The following LTBP1 variants were observed in gnomAD, a reference collection of about 807,000 sequenced individuals.
LTBP1 encodes latent-transforming growth factor beta-binding protein 1.
In LTBP1, 129 loss-of-function variants were observed where a neutral mutation model predicts 207.6. The observed-to-expected ratio is 0.62, with a 90% CI of 0.54 to 0.72. The LOEUF (loss-of-function observed/expected upper bound fraction) is 0.72. Among genes scored for constraint, LTBP1 ranks in the 30% least tolerant of loss-of-function variants. The pLI, the probability that LTBP1 is intolerant of heterozygous loss-of-function variation, is 0.00. For missense variants in LTBP1, 2,281 were observed against 2,217.2 expected, an observed-to-expected ratio of 1.03 and a Z score of -0.58; for synonymous variants, 963 against 833.7, an observed-to-expected ratio of 1.16 and a Z score of -2.67.
rs5830252 is a variant in LTBP1 at position 33,180,454 on chromosome 2, G to GT, written c.1202-6385dup. On this transcript the variant is annotated intron_variant, in intron 5 of 33. Coordinates refer to ENST00000404816, the MANE Select transcript of LTBP1 (RefSeq NM_206943.4). ...GTTTGGTTTTGTGTAGCGTGGCATA[G>GT]TTTTTTTTTTTTTTTTTGACAGGGT... Among the ~76,000 whole-genome samples, 1,103 of 131,964 alleles carry GT rather than the reference G, an allele frequency of 8.4e-3. 8 individuals are homozygous for GT. The highest frequency in any genetic ancestry group is 0.012 in the Non-Finnish European group (760 of 61,356). The allele number at this position is 131,964 out of a possible 152,430, so 86.6% of individuals were successfully genotyped here.
chr2:33,334,834 CGAGGTGG>C (rs2094536651), intron 24 of LTBP1, among the ~76,000 whole-genome samples: 1 of 150,756 alleles, frequency 6.6e-6, no homozygotes, highest in Non-Finnish European at 1.5e-5. Flanking sequence ...ACTGGTTGGC[CGAGGTGG>C]GAGGATCACT....
At chr2:33,117,036 C>G (rs2080788512) in intron 4 of LTBP1, among the ~76,000 whole-genome samples, 1 of 152,184 alleles carries the variant, frequency 6.6e-6, no homozygotes, top group South Asian at 2.1e-4. Flanking sequence ...GCTTGACTCC[C>G]AGCCATCAAT....
chr2:33,143,549 A>G (rs942889228), intron 5 of LTBP1, among the ~76,000 whole-genome samples: 8 of 152,182 alleles, frequency 5.3e-5, no homozygotes, highest in Admixed American at 2.0e-4. Flanking sequence ...TGACCACAAG[A>G]TGCATGAAAA....
chr2:33,334,762 G>C (rs1013487184), intron 24 of LTBP1, among the ~76,000 whole-genome samples: 1 of 151,924 alleles, frequency 6.6e-6, no homozygotes, highest in African/African-American at 2.4e-5. Context: ...GGCTTGTCTG[G>C]GTAATTTTTA....
At chr2:33,143,571 G>T (rs2082796201) in intron 5 of LTBP1, among the ~76,000 whole-genome samples, 1 of 152,180 alleles carries the variant, frequency 6.6e-6, no homozygotes, top group Non-Finnish European at 1.5e-5. Context: ...GGACACCCTG[G>T]TAGCAATTTA....
At chr2:33,133,853 A>G (rs1279761283) in intron 4 of LTBP1, among the ~76,000 whole-genome samples, 2 of 152,208 alleles carry the variant, frequency 1.3e-5, no homozygotes, top group Non-Finnish European at 2.9e-5. Context: ...CTGGACTGAA[A>G]TGGCATGTCC....
At chr2:33,238,462 C>A (rs1052403696) in intron 9 of LTBP1, among the ~76,000 whole-genome samples, 5 of 152,190 alleles carry the variant, frequency 3.3e-5, no homozygotes, top group African/African-American at 1.2e-4. Context: ...GTCATACTTT[C>A]TTTATTCCCT....
intron 7 of LTBP1, among the ~76,000 whole-genome samples, chr2:33,205,964 G>T (rs77073450): frequency 6.6e-6 from 1 of 152,146 alleles, no homozygotes; most frequent in East Asian, 1.9e-4. Flanking sequence ...AATCCACCAT[G>T]TTGGTACCAT....
intron 5 of LTBP1, among the ~76,000 whole-genome samples, chr2:33,173,807 A>G (rs927069866): frequency 1.4e-5 from 2 of 144,292 alleles, no homozygotes; most frequent in African/African-American, 2.5e-5. Context: ...CTTATCCACC[A>G]TGATCAAGGG....
At position 33,149,785 on chromosome 2, in the gene LTBP1, G is replaced by A. The variant is rs113200365; in HGVS notation, c.1201+14825G>A. ...ATCGTATAACAGAAACTGCTTTTCAGCACTGACCATTGCTACTGTGGATGC... is the reference window on the plus strand; with the variant it reads ...ATCGTATAACAGAAACTGCTTTTCAACACTGACCATTGCTACTGTGGATGC... On this transcript the variant is annotated intron_variant, in intron 5 of 33. Transcript: ENST00000404816. Among the ~76,000 whole-genome samples, 19 of 152,252 alleles carry A rather than the reference G, an allele frequency of 1.2e-4. 1 individual carries two copies. The highest frequency in any genetic ancestry group is 4.6e-4 in the African/African-American group (19 of 41,540).
At chr2:33,003,613 A>G (rs1558499677) in intron 2 of LTBP1, among the ~76,000 whole-genome samples, 1 of 152,166 alleles carries the variant, frequency 6.6e-6, no homozygotes, top group Non-Finnish European at 1.5e-5. Context: ...AGTCAGAAGA[A>G]AAGAAGTCAC....
chr2:33,086,715 A>T (rs1339599393), intron 3 of LTBP1, among the ~76,000 whole-genome samples: 1 of 152,104 alleles, frequency 6.6e-6, no homozygotes, highest in Non-Finnish European at 1.5e-5. Context: ...TACAATTGTT[A>T]TCTCTACTGG....
chr2:33,128,696 C>A (rs769319338), intron 4 of LTBP1, among the ~76,000 whole-genome samples: 1 of 152,204 alleles, frequency 6.6e-6, no homozygotes, highest in Non-Finnish European at 1.5e-5. Flanking sequence ...ACTCATTGAA[C>A]CCTCAACAAG....
At chr2:33,159,137 A>T (rs1484607681) in intron 5 of LTBP1, among the ~76,000 whole-genome samples, 1 of 152,214 alleles carries the variant, frequency 6.6e-6, no homozygotes, top group Admixed American at 6.5e-5. Flanking sequence ...CCTGCCTAGC[A>T]AGCTGTGGCC....
intron 3 of LTBP1, among the ~76,000 whole-genome samples, chr2:33,030,239 G>C (rs927102179): frequency 2.0e-5 from 3 of 152,076 alleles, no homozygotes; most frequent in Admixed American, 1.3e-4. Context: ...TAACTCAGAC[G>C]GGAAGAAGAC....
At chr2:33,347,583 T>A in intron 26 of LTBP1, 73 bp downstream of exon 26, 2 of 1,567,218 alleles carry the variant, frequency 1.3e-6, no homozygotes, top group Non-Finnish European at 1.7e-6. Context: ...AGCTTTGGGA[T>A]AAACGCTGGG....
intron 3 of LTBP1, among the ~76,000 whole-genome samples, chr2:33,090,903 C>T (rs2079047438): frequency 6.6e-6 from 1 of 152,236 alleles, no homozygotes; most frequent in African/African-American, 2.4e-5. Flanking sequence ...TTTCCCTCCC[C>T]TTGGCTAGCA....
chr2:33,322,210 A>G (rs916338015), intron 24 of LTBP1, among the ~76,000 whole-genome samples: 3 of 152,154 alleles, frequency 2.0e-5, no homozygotes, highest in African/African-American at 7.2e-5. Flanking sequence ...AAGGAGAAGT[A>G]AACACTTGCC....
intron 10 of LTBP1, among the ~76,000 whole-genome samples, chr2:33,251,641 G>A (rs573093532): frequency 3.6e-5 from 5 of 140,718 alleles, no homozygotes; most frequent in South Asian, 4.5e-4. Flanking sequence ...CTCCGGCCTC[G>A]GCAACAGAGT....
Sources: allele counts gnomAD v4.1 joint callset (sites outside exome capture counted in the v4.1 genomes callset), GRCh38; gene constraint gnomAD v4.1.1; transcripts MANE v1.5; gene names NCBI Gene and HGNC (gene_info 2026-07-23, HGNC 2026-07-21).